PROM1: variants seen among roughly 807,000 people sequenced by gnomAD.
The protein encoded by PROM1 is prominin 1.
A neutral mutation model predicts 116.9 loss-of-function variants in PROM1; 105 were observed. The observed-to-expected ratio is 0.90, with a 90% confidence interval of 0.77 to 1.06. The LOEUF is 1.06. PROM1 is among the 50% of genes least tolerant of loss of function. The probability of loss-of-function intolerance (pLI) is 0.00; values close to 1 mark genes in which losing one functional copy is unlikely to be tolerated. For missense variants in PROM1, 1,122 were observed against 1,045.2 expected (o/e 1.07, Z -1.01); for synonymous variants, 393 against 387.0 (o/e 1.02, Z -0.18).
Position 16,018,508 on chromosome 4 carries a change from T to C in PROM1, c.817A>G (p.Met273Val). 6.2e-7 allele frequency: 1 copy of C among 1,611,946 alleles called. No individual in the cohort carries two copies. The highest frequency in any genetic ancestry group is 8.5e-7 in the Non-Finnish European group (1 of 1,179,558). The change falls in exon 9 of 28, where the codon ATG (methionine) becomes GTG (valine). Residue 273 changes from methionine (M) to valine (V), a missense_variant. Transcript: ENST00000447510. ...TGCAAGCTCTTCAAGGTGCTGTTCA[T>C]GTTCTCCAACGCCTCTTTGGTCTCC... Reference protein sequence around the residue: ...IKETKEALENMNSTLKSLHQQ... With the variant: ...IKETKEALENVNSTLKSLHQQ...
At chr4:16,062,594 A>G (rs1458840647) in intron 2 of PROM1, among the ~76,000 whole-genome samples, 1 of 152,250 alleles carries the variant, frequency 6.6e-6, no homozygotes. Context: ...CTAAAAATCT[A>G]GAACTCTGAA....
chr4:16,079,532 G>A (rs943519160), intron 1 of PROM1: 2 of 152,142 alleles, frequency 1.3e-5, no homozygotes, highest in South Asian at 2.1e-4. Context: ...TTAATAGGTT[G>A]TGCCAAAAAC....
In PROM1 at chr4:15,991,308, A is replaced by C; in HGVS notation, c.1912-15T>G. The C allele has an allele frequency of 1.3e-6, 2 of 1,568,588 alleles. No individual in the cohort carries two copies. Among genetic ancestry groups the C allele is most frequent in the Non-Finnish European group, 1.7e-6 (2 of 1,158,468 alleles). On this transcript the variant is annotated splice_polypyrimidine_tract_variant and intron_variant, in intron 17 of 27. Coordinates refer to ENST00000447510, the MANE Select transcript of PROM1 (RefSeq NM_006017.3). ...GATTTACCAGTCTACAATAGAAGTG[A>C]AAAAAATTGTCTTATGGATATGGGA...
chr4:15,995,609 G>A (rs1017276829), intron 15 of PROM1, among the ~76,000 whole-genome samples: 2 of 152,112 alleles, frequency 1.3e-5, no homozygotes, highest in Non-Finnish European at 2.9e-5. Context: ...GTGGTAGTGG[G>A]ATTTTTAAAA....
chr4:15,986,296 G>A (rs974176470), intron 20 of PROM1, among the ~76,000 whole-genome samples: 3 of 152,166 alleles, frequency 2.0e-5, no homozygotes, highest in East Asian at 3.9e-4. Flanking sequence ...AACTCACAAC[G>A]AGGCAGGAAG....
intron 2 of PROM1, among the ~76,000 whole-genome samples, chr4:16,039,827 T>C (rs1734786608): frequency 6.6e-6 from 1 of 152,184 alleles, no homozygotes; most frequent in Non-Finnish European, 1.5e-5. Context: ...AACTTTTCCA[T>C]AAATACTCAT....
chr4:16,026,160 C>G (rs16892834), intron 5 of PROM1, among the ~76,000 whole-genome samples: 8,795 of 152,194 alleles, frequency 0.058, 411 homozygotes, highest in African/African-American at 0.13. Flanking sequence ...GGAAAGCCTT[C>G]TCTATGTGAA....
intron 2 of PROM1, among the ~76,000 whole-genome samples, chr4:16,052,686 G>T (rs962390417): frequency 1.3e-5 from 2 of 152,194 alleles, no homozygotes; most frequent in Non-Finnish European, 2.9e-5. Flanking sequence ...TTGCCGTGTT[G>T]CCTAGGTTGG....
intron 23 of PROM1, among the ~76,000 whole-genome samples, chr4:15,982,472 C>A (rs567264842): frequency 6.6e-6 from 1 of 152,328 alleles, no homozygotes; most frequent in Non-Finnish European, 1.5e-5. Context: ...CTTTTGGGGA[C>A]AATTGAGATA....
At chr4:16,055,377 T>A (rs1738768711) in intron 2 of PROM1, 1 of 456,136 alleles carries the variant, frequency 2.2e-6, no homozygotes. Flanking sequence ...GGCTTCGTTA[T>A]CCTACCAGCT....
chr4:16,045,554 C>G (rs1381097926), intron 2 of PROM1, among the ~76,000 whole-genome samples: 1 of 152,086 alleles, frequency 6.6e-6, no homozygotes, highest in Admixed American at 6.6e-5. Flanking sequence ...AATTAAGACC[C>G]CCAACATTTT....
intron 3 of PROM1, among the ~76,000 whole-genome samples, chr4:16,036,658 G>A (rs2149397362): frequency 6.6e-6 from 1 of 152,268 alleles, no homozygotes; most frequent in South Asian, 2.1e-4. Context: ...CAGAAGATAT[G>A]GGTAAGACCA....
At chr4:15,998,282 T>G (rs1722823820) in intron 15 of PROM1, 103 bp downstream of exon 15, 1 of 1,423,682 alleles carries the variant, frequency 7.0e-7, no homozygotes, top group East Asian at 2.8e-5. Context: ...CTCTGAAACA[T>G]GAAAGTCATA....
chr4:15,987,730 G>T lies in PROM1; in HGVS notation c.2077-14C>A, dbSNP rs375975240. 1 of 1,604,292 alleles carries T rather than the reference G, an allele frequency of 6.2e-7. No homozygotes were observed. The highest frequency in any genetic ancestry group is 1.1e-5 in the South Asian group (1 of 88,418). On this transcript the variant is annotated splice_polypyrimidine_tract_variant and intron_variant, in intron 19 of 27. Coordinates refer to ENST00000447510, the MANE Select transcript of PROM1 (RefSeq NM_006017.3). ...GTATAGAGTGCTCTGGCAAGAAACA[G>T]ATAATATTTCCAAAATTATTACATG...
intron 11 of PROM1, among the ~76,000 whole-genome samples, chr4:16,009,964 A>G (rs1356261155): frequency 6.7e-6 from 1 of 150,208 alleles, no homozygotes; most frequent in Non-Finnish European, 1.5e-5. Flanking sequence ...AAAAGTCTTC[A>G]GGAACAGAGT....
chr4:16,014,101 G>A (rs931697070), intron 10 of PROM1, among the ~76,000 whole-genome samples: 9 of 152,118 alleles, frequency 5.9e-5, no homozygotes, highest in African/African-American at 1.2e-4. Context: ...TCAACTAAAC[G>A]TGCAGCCTTT....
Position 16,017,974 on chromosome 4 carries a change from A to G in PROM1, c.1002+349T>C, listed in dbSNP as rs145329504. ...CTTTGGGAAAATCGAATTTTCTTCT[A>G]TTTCAGCATACATGGCTAATAGACT... On this transcript the variant is annotated intron_variant, in intron 9 of 27. Transcript: ENST00000447510. 3.3e-3 allele frequency among the ~76,000 whole-genome samples: 506 copies of G among 152,156 alleles called. 3 individuals carry two copies. Among genetic ancestry groups the G allele is most frequent in the African/African-American group, 0.012 (480 of 41,512 alleles).
chr4:16,000,853 C>T (rs1485431410), intron 13 of PROM1, among the ~76,000 whole-genome samples: 2 of 150,298 alleles, frequency 1.3e-5, no homozygotes, highest in Admixed American at 1.3e-4. Context: ...AGGGGCAGCT[C>T]CAGAGCAGGC....
chr4:16,033,268 A>C, intron 5 of PROM1, 36 bp downstream of exon 5: 1 of 1,548,690 alleles, frequency 6.5e-7, no homozygotes, highest in Non-Finnish European at 8.8e-7. Flanking sequence ...TCATCAGCCT[A>C]AAACACAATC....
Sources: allele counts gnomAD v4.1 joint callset (sites outside exome capture counted in the v4.1 genomes callset), GRCh38; gene constraint gnomAD v4.1.1; transcripts MANE v1.5; gene names NCBI Gene and HGNC (gene_info 2026-07-23, HGNC 2026-07-21).